Variants in RABGEF1 observed in about 807,000 individuals in gnomAD.
RABGEF1 encodes RAB guanine nucleotide exchange factor 1.
A neutral mutation model predicts 57.3 loss-of-function variants in RABGEF1; 26 were observed. That is an observed-to-expected ratio of 0.45 (90% CI 0.33 to 0.63). The LOEUF (loss-of-function observed/expected upper bound fraction) is 0.63. Ranked by LOEUF, RABGEF1 falls within the 20% of genes least tolerant of loss-of-function variation. The pLI, the probability that RABGEF1 is intolerant of heterozygous loss-of-function variation, is 0.02. For synonymous variants in RABGEF1, 185 were observed against 210.7 expected (o/e 0.88, Z 1.06); for missense variants, 464 against 607.6 (o/e 0.76, Z 2.48).
intron 1 of RABGEF1, among the ~76,000 whole-genome samples, chr7:66,762,651 A>G (rs1189767339): frequency 6.6e-6 from 1 of 152,184 alleles, no homozygotes; most frequent in Non-Finnish European, 1.5e-5. Context: ...ATGGTGGCTC[A>G]CATCTGTAAG....
upstream of RABGEF1, among the ~76,000 whole-genome samples, chr7:66,679,855 C>A (rs1789572243): frequency 6.6e-6 from 1 of 152,132 alleles, no homozygotes. Flanking sequence ...CATGGCAAAA[C>A]CTTGTCTCTA....
Position 66,805,164 on chromosome 7 carries a change from G to T in RABGEF1, c.845G>T (p.Arg282Leu). Residue 282 changes from arginine (R) to leucine (L), a missense_variant, in exon 8 of 9, where the codon CGT becomes CTT. Arg to Leu is a moderately radical substitution (Grantham distance 102). Transcript: ENST00000284957. ...GATATCATTGAAATGGATTCCAAGC[G>T]TGTGCCTCGAGACAAGCTGGCCTGC... ...ITDIIEMDSK[R>L]VPRDKLACIT... The T allele has an allele frequency of 6.2e-7, 1 of 1,607,506 alleles. No individual in the cohort carries two copies. Among genetic ancestry groups the T allele is most frequent in the Non-Finnish European group, 8.5e-7 (1 of 1,174,154 alleles).
chr7:66,709,809 C>T (rs1376204991), intron 1 of RABGEF1, among the ~76,000 whole-genome samples: 1 of 152,078 alleles, frequency 6.6e-6, no homozygotes. Flanking sequence ...GCAAATATTC[C>T]AGTTAAATCA....
At chr7:66,708,889 A>G (rs570145916) in intron 1 of RABGEF1, among the ~76,000 whole-genome samples, 1 of 152,106 alleles carries the variant, frequency 6.6e-6, no homozygotes, top group Non-Finnish European at 1.5e-5. Flanking sequence ...ATTTATCATG[A>G]AATTTGTGAT....
At position 66,705,988 on chromosome 7, in the gene RABGEF1, C is replaced by T. The variant is rs552439723; in HGVS notation, c.-872-6179C>T. 3.7e-3 allele frequency among the ~76,000 whole-genome samples: 548 copies of T among 148,674 alleles called. 3 individuals are homozygous for T. Among genetic ancestry groups the T allele is most frequent in the African/African-American group, 0.013 (525 of 40,398 alleles). ...CGCAATCTCGGCTCACTGCAAGCTC[C>T]GCTTCCCGGGTTCACGCCATTCTCC... is the stretch of plus-strand genomic sequence containing the variant. On this transcript the variant is annotated intron_variant and NMD_transcript_variant, in intron 1 of 9. Coordinates refer to the RABGEF1 transcript ENST00000607882.
At chr7:66,772,187 G>GT in intron 2 of RABGEF1, 109 bp downstream of exon 2, 1 of 864,708 alleles carries the variant, frequency 1.2e-6, no homozygotes, top group Non-Finnish European at 1.6e-6. Flanking sequence ...CAGCAAGTCA[G>GT]TTTAATATTA....
intron 2 of RABGEF1, among the ~76,000 whole-genome samples, chr7:66,724,370 T>TA (rs1442842131): frequency 6.6e-6 from 1 of 151,982 alleles, no homozygotes. Context: ...TATTTTATTT[T>TA]TTTTTTTTGA....
chr7:66,662,819 G>A, the RABGEF1 span, among the ~76,000 whole-genome samples: 75,571 of 151,820 alleles, frequency 0.5, 19,721 homozygotes, highest in African/African-American at 0.65. Flanking sequence ...GTAGGTGTGC[G>A]TGTGCAGGCA....
chr7:66,754,125 C>T (rs1490557523), intron 1 of RABGEF1, among the ~76,000 whole-genome samples: 3 of 150,360 alleles, frequency 2.0e-5, no homozygotes, highest in African/African-American at 7.3e-5. Context: ...GCCTCACCTC[C>T]CGCGTAGCTG....
At chr7:66,662,884 T>A in the RABGEF1 span, among the ~76,000 whole-genome samples, 1 of 150,324 alleles carries the variant, frequency 6.7e-6, no homozygotes, top group Non-Finnish European at 1.5e-5. Context: ...TGTACAGGCA[T>A]GTGTGTGCAG....
At chr7:66,662,683 A>G in the RABGEF1 span, among the ~76,000 whole-genome samples, 2 of 151,058 alleles carry the variant, frequency 1.3e-5, no homozygotes, top group Non-Finnish European at 2.9e-5. Context: ...TCCCTGTGGC[A>G]AAATCTGGCG....
intron 1 of RABGEF1, among the ~76,000 whole-genome samples, chr7:66,762,801 C>T (rs62466852): frequency 0.039 from 5,998 of 151,982 alleles, 167 homozygotes; most frequent in East Asian, 0.085. Context: ...GTTGGGTAGG[C>T]TGGGGTAGGT....
chr7:66,799,575 C>T (rs1786810452), intron 7 of RABGEF1, among the ~76,000 whole-genome samples, 161 bp downstream of exon 7: 1 of 152,192 alleles, frequency 6.6e-6, no homozygotes, highest in African/African-American at 2.4e-5. Flanking sequence ...TGATGGCATT[C>T]AGAAGAGCAG....
chr7:66,754,200 C>G (rs1802164326), intron 1 of RABGEF1, among the ~76,000 whole-genome samples: 1 of 150,106 alleles, frequency 6.7e-6, no homozygotes, highest in African/African-American at 2.5e-5. Flanking sequence ...GACGGGGTTT[C>G]ACTATGTTAG....
At chr7:66,800,981 C>T (rs1206451833) in intron 7 of RABGEF1, among the ~76,000 whole-genome samples, 1 of 152,204 alleles carries the variant, frequency 6.6e-6, no homozygotes, top group East Asian at 1.9e-4. Context: ...TCACGTTCTT[C>T]TAGGGCAGGA....
At chr7:66,789,207 A>G (rs896135460) in intron 4 of RABGEF1, among the ~76,000 whole-genome samples, 3 of 152,204 alleles carry the variant, frequency 2.0e-5, no homozygotes, top group Non-Finnish European at 2.9e-5. Flanking sequence ...GAACAGAAGT[A>G]TGTACCCAAA....
chr7:66,758,274 T>C (rs1160266580), intron 1 of RABGEF1, among the ~76,000 whole-genome samples: 4 of 152,224 alleles, frequency 2.6e-5, no homozygotes, highest in Non-Finnish European at 2.9e-5. Flanking sequence ...CACTAATAGT[T>C]CTGTGAGCTT....
upstream of RABGEF1, among the ~76,000 whole-genome samples, chr7:66,681,488 C>T (rs1789732557): frequency 6.6e-6 from 1 of 151,108 alleles, no homozygotes. Flanking sequence ...CCTCAACTTC[C>T]TGGGCTATCA....
chr7:66,695,452 A>G (rs1002829189), intron 1 of RABGEF1, among the ~76,000 whole-genome samples: 1 of 152,180 alleles, frequency 6.6e-6, no homozygotes, highest in African/African-American at 2.4e-5. Flanking sequence ...GCTTTGACGC[A>G]AGAGGTTCCA....
Sources: gnomAD v4.1 joint callset for allele counts (sites outside exome capture counted in the v4.1 genomes callset) on GRCh38, gnomAD v4.1.1 for gene constraint, MANE v1.5 for transcripts, NCBI Gene and HGNC (gene_info 2026-07-23, HGNC 2026-07-21) for gene names.